The following CIITA variants were observed in gnomAD, a reference collection of about 807,000 sequenced individuals.
The protein encoded by CIITA is class II major histocompatibility complex transactivator.
Under a neutral mutation model 115.1 loss-of-function variants are expected in CIITA, and 72 were observed. The ratio of observed to expected loss-of-function variants is 0.63; its 90% CI spans 0.52 to 0.76. The LOEUF (loss-of-function observed/expected upper bound fraction) is 0.76. Among genes scored for constraint, CIITA ranks in the 30% least tolerant of loss-of-function variants. The pLI is 0.00. For synonymous variants in CIITA, 763 were observed against 635.6 expected (o/e 1.20, Z -3.02); for missense variants, 1,617 against 1,463.8 (o/e 1.10, Z -1.71).
In CIITA at chr16:10,904,756, C is replaced by A. The variant is rs116253192; in HGVS notation, c.950C>A (p.Ser317Tyr). The stretch of plus-strand genomic sequence containing the variant: ...TCTCCATCTCCAGAGCACAAGACGT[C>A]CCCCACCCAATGCCCGGCAGCTGGA... ...SRANMTEHKT[S>Y]PTQCPAAGEV... The change falls in exon 10 of 20, where the codon TCC becomes TAC. Residue 317 changes from serine (S) to tyrosine (Y), a missense_variant. Physicochemically the swap from Ser to Tyr is moderately radical, Grantham distance 144 (BLOSUM62 -2). Coordinates refer to ENST00000324288, the MANE Select transcript of CIITA (RefSeq NM_000246.4). The A allele has an allele frequency of 7.9e-5, 128 of 1,614,132 alleles. No homozygotes were observed. The African/African-American group carries it at 1.6e-3, about 21-fold the overall frequency.
chr16:10,906,176 T>G (rs576564836), intron 10 of CIITA, among the ~76,000 whole-genome samples: 2 of 151,980 alleles, frequency 1.3e-5, no homozygotes, highest in South Asian at 4.1e-4. Context: ...CTGGGCGACA[T>G]AGTGAGACCC....
In CIITA at chr16:10,922,033, T is replaced by G. The variant is rs556471007; in HGVS notation, c.3150-134T>G. On this transcript the variant is annotated intron_variant, in intron 16 of 19. Transcript: ENST00000324288. ...TACTTGGCACAATGCCAGGCTCTGT[T>G]GTGCAATAAATATTGATTCCTTCCC... The G allele has an allele frequency of 6.3e-6, 5 of 799,868 alleles. No individual in the cohort carries two copies. The Admixed American group carries it at 8.8e-5, about 14-fold the overall frequency. 49.5% of individuals were successfully genotyped at this position (799,868 alleles called of 1,614,324 possible).
At position 10,903,889 on chromosome 16, in the gene CIITA, A is replaced by G. The variant is rs140139362; in HGVS notation, c.931A>G (p.Met311Val). 1.0e-4 allele frequency: 164 copies of G among 1,614,132 alleles called. No individual in the cohort carries two copies. The African/African-American group carries it at 1.9e-3, about 19-fold the overall frequency. ...ACCTGCCCTGACCTCCCGAGCAAAC[A>G]TGACAGGTAAGGACCCTTAGGGCCT... is the stretch of plus-strand genomic sequence containing the variant. ...PEPALTSRAN[M>V]TEHKTSPTQC... The change falls in exon 9 of 20, where the codon ATG (methionine) becomes GTG (valine). Residue 311 changes from methionine to valine, a missense_variant. Physicochemically the swap from Met to Val is conservative, Grantham distance 21. Coordinates refer to ENST00000324288, the MANE Select transcript of CIITA (RefSeq NM_000246.4).
Position 10,923,076 on chromosome 16 carries a change from CCCCATGA to C in CIITA, c.3318-147_3318-141del. 1 of 716,632 alleles carries C rather than the reference CCCCATGA, an allele frequency of 1.4e-6. No individual in the cohort carries two copies. Among genetic ancestry groups the C allele is most frequent in the Admixed American group, 1.9e-5 (1 of 52,200 alleles). The allele number at this position is 716,632 out of a possible 1,614,324, so 44.4% of individuals were successfully genotyped here. On this transcript the variant is annotated intron_variant, in intron 18 of 19. Coordinates refer to ENST00000324288, the MANE Select transcript of CIITA (RefSeq NM_000246.4). The surrounding 1 kb of genome is among the most constrained non-coding windows in gnomAD (Gnocchi z 5.2). The stretch of plus-strand genomic sequence containing the variant: ...TCGGGCCTCCTAGGCTTCTCCTTTT[CCCCATGA>C]CCCACACCGGTCGGTATCTTGCCAG...
rs576287776 is a variant in CIITA at position 10,927,944 on chromosome 16, G to T, written c.*4089G>T. On this transcript the variant is annotated 3_prime_UTR_variant, in exon 20 of 20. Coordinates refer to ENST00000324288, the MANE Select transcript of CIITA (RefSeq NM_000246.4). ...AGTGCAATTCCATGTCCAGTGGATT[G>T]TAAGTCCACGCACCTTCCAAATGGT... 6.6e-6 allele frequency: 1 copy of T among 152,330 alleles called. No individual in the cohort carries two copies. Among genetic ancestry groups the T allele is most frequent in the South Asian group, 2.1e-4 (1 of 4,828 alleles). 9.4% of individuals were successfully genotyped at this position (152,330 alleles called of 1,614,324 possible).
intron 5 of CIITA, among the ~76,000 whole-genome samples, chr16:10,900,231 C>G (rs574787994): frequency 1.3e-3 from 202 of 152,300 alleles, no homozygotes; most frequent in African/African-American, 4.8e-3. Flanking sequence ...CCTGTATTTG[C>G]TTTAATTTTC....
chr16:10,923,287 G>A lies in CIITA; in HGVS notation c.3377G>A (p.Arg1126Gln), dbSNP rs1596619583. The A allele has an allele frequency of 2.5e-6, 4 of 1,613,486 alleles. No homozygotes were observed. Among genetic ancestry groups the A allele is most frequent in the Non-Finnish European group, 3.4e-6 (4 of 1,179,940 alleles). The part of the protein sequence containing the change: ...VQEHLQQQDS[R>Q]ISLR ...GAACACCTGCAACAACAGGATTCACGGATCAGCCTGAGATGATCCCAGCTG... is the reference window on the plus strand; with the variant it reads ...GAACACCTGCAACAACAGGATTCACAGATCAGCCTGAGATGATCCCAGCTG... The change falls in exon 19 of 20, where the codon CGG becomes CAG. Residue 1126 changes from arginine to glutamine, a missense_variant. By Grantham distance (43) the Arg-to-Gln change is conservative. Transcript: ENST00000324288. The surrounding 1 kb of genome is among the most constrained non-coding windows in gnomAD (Gnocchi z 5.2).
downstream of CIITA, chr16:10,937,517 C>T (rs115906305): frequency 5.8e-4 from 89 of 152,352 alleles, no homozygotes; most frequent in African/African-American, 2.0e-3. The surrounding 1 kb of genome is among the most constrained non-coding windows in gnomAD (Gnocchi z 4.2). Flanking sequence ...ATAAGATAGA[C>T]CAATGCATCG....
At chr16:10,894,566 A>G (rs892730780) in intron 1 of CIITA, among the ~76,000 whole-genome samples, 8 of 152,244 alleles carry the variant, frequency 5.3e-5, no homozygotes, top group Non-Finnish European at 1.2e-4. Flanking sequence ...AGGATATTTG[A>G]GGTATCCACA....
intron 1 of CIITA, among the ~76,000 whole-genome samples, chr16:10,894,378 T>G (rs534956018): frequency 6.6e-6 from 1 of 152,360 alleles, no homozygotes; most frequent in East Asian, 1.9e-4. Flanking sequence ...ATATTTGGGC[T>G]GTTTTTATAT....
intron 15 of CIITA, among the ~76,000 whole-genome samples, chr16:10,917,226 A>G (rs2040003010): frequency 6.6e-6 from 1 of 152,136 alleles, no homozygotes; most frequent in Non-Finnish European, 1.5e-5. Flanking sequence ...CCCAGGGTGG[A>G]GTGCAGTGGT....
chr16:10,913,283 C>G (rs992989841), intron 13 of CIITA, among the ~76,000 whole-genome samples: 14 of 151,072 alleles, frequency 9.3e-5, no homozygotes, highest in African/African-American at 3.2e-4. Context: ...TCCTTTCTTT[C>G]TTTCTTTCCC....
At chr16:10,906,461 C>G in intron 10 of CIITA, 38 bp from the exon 11 acceptor site, 1 of 1,609,102 alleles carries the variant, frequency 6.2e-7, no homozygotes, top group South Asian at 1.1e-5. Context: ...CCCTGCCTCT[C>G]ACATACCCCC....
intron 14 of CIITA, 137 bp from the exon 15 acceptor site, chr16:10,916,230 T>G (rs1275459792): frequency 1.3e-6 from 1 of 780,044 alleles, no homozygotes; most frequent in Non-Finnish European, 2.2e-6. Context: ...CTCAGGAATG[T>G]GCCGGCTGCC....
chr16:10,915,777 C>A (rs1326577604), intron 14 of CIITA, 127 bp downstream of exon 14: 1 of 850,308 alleles, frequency 1.2e-6, no homozygotes, highest in Non-Finnish European at 1.9e-6. Flanking sequence ...GTAGCTGGGA[C>A]CACAGGTGCA....
intron 5 of CIITA, among the ~76,000 whole-genome samples, chr16:10,900,679 G>A (rs1364790112): frequency 6.6e-6 from 1 of 151,886 alleles, no homozygotes; most frequent in East Asian, 1.9e-4. Flanking sequence ...AGCAGAGGTT[G>A]CAGTGAGCCA....
In CIITA at chr16:10,906,828, G is replaced by T; in HGVS notation, c.1336G>T (p.Asp446Tyr). 3.2e-5 allele frequency: 52 copies of T among 1,613,038 alleles called. No homozygotes were observed. The highest frequency in any genetic ancestry group is 4.3e-5 in the Non-Finnish European group (51 of 1,180,038). The change falls in exon 11 of 20, where the codon GAC (aspartate) becomes TAC (tyrosine). Residue 446 changes from aspartate (D) to tyrosine (Y), a missense_variant. By Grantham distance (160) the Asp-to-Tyr change is radical. Coordinates refer to ENST00000324288, the MANE Select transcript of CIITA (RefSeq NM_000246.4). The part of the protein sequence containing the change: ...AWACGRLPQY[D>Y]FVFSVPCHCL... ...GGCTTGTGGCCGGCTTCCCCAGTAC[G>T]ACTTTGTCTTCTCTGTCCCCTGCCA...
chr16:10,886,234 G>A (rs1274479324), intron 1 of CIITA, among the ~76,000 whole-genome samples: 1 of 152,022 alleles, frequency 6.6e-6, no homozygotes, highest in Non-Finnish European at 1.5e-5. Flanking sequence ...CACCACGCCT[G>A]GCCACAGTTT....
chr16:10,890,867 G>A (rs545894542), intron 1 of CIITA, among the ~76,000 whole-genome samples: 2 of 152,250 alleles, frequency 1.3e-5, no homozygotes, highest in Admixed American at 1.3e-4. Context: ...CCTAATCCTT[G>A]TGAGTTGCCA....
Sources: gnomAD v4.1 joint callset for allele counts (sites outside exome capture counted in the v4.1 genomes callset) on GRCh38, gnomAD v4.1.1 for gene constraint, Gnocchi (gnomAD v3.1) non-coding constraint, MANE v1.5 for transcripts, NCBI Gene and HGNC (gene_info 2026-07-23, HGNC 2026-07-21) for gene names.